MFSD11: variants seen among roughly 807,000 people sequenced by gnomAD.
The protein encoded by MFSD11 is major facilitator superfamily domain containing 11.
In MFSD11, 36 loss-of-function variants were observed where a neutral mutation model predicts 53.5. The observed-to-expected ratio is 0.67, with a 90% CI of 0.52 to 0.89. The LOEUF (loss-of-function observed/expected upper bound fraction) is 0.89, where lower values mean the gene tolerates loss of function less well. Among genes scored for constraint, MFSD11 ranks in the 40% least tolerant of loss-of-function variants. MFSD11 has a pLI of 0.00. For synonymous variants in MFSD11, 186 were observed against 184.9 expected, an observed-to-expected ratio of 1.01 and a Z score of -0.05; for missense variants, 530 against 543.9, an observed-to-expected ratio of 0.97 and a Z score of 0.25.
At chr17:76,741,558 A>G (rs1000945159) in intron 3 of MFSD11, among the ~76,000 whole-genome samples, 1 of 152,048 alleles carries the variant, frequency 6.6e-6, no homozygotes, top group African/African-American at 2.4e-5. Flanking sequence ...TGCTTGAGCC[A>G]AGGATCACTT....
At chr17:76,753,848 C>G (rs2079307810) in intron 7 of MFSD11, among the ~76,000 whole-genome samples, 199 bp from the exon 8 acceptor site, 1 of 151,982 alleles carries the variant, frequency 6.6e-6, no homozygotes, top group African/African-American at 2.4e-5. Flanking sequence ...GAGAGGTGCC[C>G]AGGTGGGACT....
At chr17:76,798,717 C>T in the MFSD11 span, among the ~76,000 whole-genome samples, 2 of 152,186 alleles carry the variant, frequency 1.3e-5, no homozygotes, top group African/African-American at 4.8e-5. Context: ...AGCTGTTGCT[C>T]TATTATGATT....
chr17:76,749,684 G>T (rs2078877225), intron 7 of MFSD11, among the ~76,000 whole-genome samples: 1 of 152,112 alleles, frequency 6.6e-6, no homozygotes, highest in South Asian at 2.1e-4. Context: ...GAGGTCAGGA[G>T]ATCGAGACCA....
intron 3 of MFSD11, among the ~76,000 whole-genome samples, chr17:76,741,665 G>A (rs1249602699): frequency 1.3e-5 from 2 of 152,180 alleles, no homozygotes; most frequent in African/African-American, 4.8e-5. Flanking sequence ...GCACATGCCT[G>A]TAGTCCCAGC....
At chr17:76,763,437 T>C (rs922676927) in intron 8 of MFSD11, among the ~76,000 whole-genome samples, 4 of 152,082 alleles carry the variant, frequency 2.6e-5, no homozygotes, top group African/African-American at 4.8e-5. Context: ...CTAACTGTTA[T>C]ATTTTTTGTA....
upstream of MFSD11, chr17:76,736,942 A>G (rs1598433938): frequency 1.2e-6 from 2 of 1,613,280 alleles, no homozygotes; most frequent in South Asian, 1.1e-5. Context: ...CGTCCATGGC[A>G]TCCATAGCGT....
intron 8 of MFSD11, among the ~76,000 whole-genome samples, chr17:76,765,020 G>C (rs981368858): frequency 2.0e-5 from 3 of 152,142 alleles, no homozygotes; most frequent in Non-Finnish European, 4.4e-5. Flanking sequence ...TTTTGATGTA[G>C]TCAATTTGTT....
chr17:76,775,960 TTA>T (rs1372341984), intron 11 of MFSD11, among the ~76,000 whole-genome samples: 4 of 152,074 alleles, frequency 2.6e-5, no homozygotes, highest in Non-Finnish European at 4.4e-5. Context: ...ATTCTAGTCT[TTA>T]TGTTTTATTT....
rs946327712 is a variant in MFSD11 at position 76,778,294 on chromosome 17, C to T, written c.1292C>T (p.Thr431Ile). Residue 431 changes from threonine to isoleucine, a missense_variant, in exon 13 of 13, where the codon ACT becomes ATT. Physicochemically the swap from Thr to Ile is moderately conservative, Grantham distance 89. Coordinates refer to ENST00000685175, the MANE Select transcript of MFSD11 (RefSeq NM_001242532.5). ...TTTTTTGGAACAATTTCTTTCTTCA[C>T]TGTGGAATGGGAAGCTGCCGCCTTT... The part of the protein sequence containing the change: ...FGFFGTISFF[T>I]VEWEAAAFVA... 6.2e-7 allele frequency: 1 copy of T among 1,614,074 alleles called. No individual in the cohort carries two copies. The highest frequency in any genetic ancestry group is 8.5e-7 in the Non-Finnish European group (1 of 1,180,048).
chr17:76,750,042 G>A (rs1598553690), intron 7 of MFSD11, among the ~76,000 whole-genome samples: 1 of 152,182 alleles, frequency 6.6e-6, no homozygotes, highest in African/African-American at 2.4e-5. Context: ...TTTACCTGGA[G>A]TGGGATGGTA....
At chr17:76,802,742 G>T in the MFSD11 span, among the ~76,000 whole-genome samples, 1 of 152,128 alleles carries the variant, frequency 6.6e-6, no homozygotes, top group East Asian at 1.9e-4. Flanking sequence ...AGCTGGGCAT[G>T]GTGGCATGCA....
the MFSD11 span, among the ~76,000 whole-genome samples, chr17:76,790,804 G>T: frequency 7.4e-6 from 1 of 135,664 alleles, no homozygotes; most frequent in South Asian, 2.3e-4. Flanking sequence ...GCCGGGCGTG[G>T]TGGCACACAC....
intron 8 of MFSD11, among the ~76,000 whole-genome samples, chr17:76,760,440 G>T (rs1335274559): frequency 3.9e-5 from 6 of 152,040 alleles, no homozygotes; most frequent in Non-Finnish European, 2.9e-5. Context: ...AAGAAAGTCC[G>T]CACAGAAGTG....
At chr17:76,750,533 T>G (rs995584474) in intron 7 of MFSD11, among the ~76,000 whole-genome samples, 1 of 151,964 alleles carries the variant, frequency 6.6e-6, no homozygotes. Flanking sequence ...ATTTTTTGTA[T>G]TTTTAGTAGA....
chr17:76,767,194 C>A, intron 8 of MFSD11, 192 bp from the exon 9 acceptor site: 1 of 501,868 alleles, frequency 2.0e-6, no homozygotes, highest in Non-Finnish European at 3.5e-6. Flanking sequence ...TGTATTTAAG[C>A]ACTTGAAATA....
the MFSD11 span, among the ~76,000 whole-genome samples, chr17:76,790,330 C>G: frequency 4.1e-5 from 6 of 145,646 alleles, no homozygotes; most frequent in African/African-American, 1.5e-4. Flanking sequence ...CGGCCTCGGC[C>G]TCATATTTCT....
At chr17:76,741,894 G>C in intron 3 of MFSD11, 75 bp from the exon 4 acceptor site, 1 of 1,607,954 alleles carries the variant, frequency 6.2e-7, no homozygotes, top group Non-Finnish European at 8.5e-7. Context: ...TGTCAGAACT[G>C]ATTCCTAGAA....
chr17:76,770,584 C>T (rs1212565219), intron 10 of MFSD11, among the ~76,000 whole-genome samples: 1 of 152,168 alleles, frequency 6.6e-6, no homozygotes, highest in Non-Finnish European at 1.5e-5. Flanking sequence ...AGGGTTCAGT[C>T]CTACAGACAG....
At chr17:76,780,238 AT>A (rs886426039), downstream of MFSD11, among the ~76,000 whole-genome samples, 4 of 152,286 alleles carry the variant, frequency 2.6e-5, no homozygotes, top group African/African-American at 9.6e-5. Flanking sequence ...ATTCTTTCTC[AT>A]CTGGCATGGC....
Sources: gnomAD v4.1 joint callset for allele counts (sites outside exome capture counted in the v4.1 genomes callset) on GRCh38, gnomAD v4.1.1 for gene constraint, MANE v1.5 for transcripts, NCBI Gene and HGNC (gene_info 2026-07-23, HGNC 2026-07-21) for gene names.